Variants in KLHL24 observed in about 807,000 individuals in gnomAD.
The protein encoded by KLHL24 is kelch like family member 24.
In KLHL24, 29 loss-of-function variants were observed where a neutral mutation model predicts 53.4. The ratio of observed to expected loss-of-function variants is 0.54; its 90% CI spans 0.40 to 0.74. The LOEUF is 0.74. Ranked by LOEUF, KLHL24 falls within the 30% of genes least tolerant of loss-of-function variation. The probability of loss-of-function intolerance (pLI) is 0.00; values close to 1 mark genes in which losing one functional copy is unlikely to be tolerated. For synonymous variants in KLHL24, 222 were observed against 253.7 expected, an observed-to-expected ratio of 0.88 and a Z score of 1.19; for missense variants, 504 against 744.0, an observed-to-expected ratio of 0.68 and a Z score of 3.75.
intron 5 of KLHL24, among the ~76,000 whole-genome samples, chr3:183,669,476 C>G (rs939226954): frequency 6.6e-6 from 1 of 152,214 alleles, no homozygotes; most frequent in Non-Finnish European, 1.5e-5. Flanking sequence ...CATCGTGCCA[C>G]AGGTTCCATA....
At chr3:183,655,464 GA>G (rs1395336747) in intron 3 of KLHL24, among the ~76,000 whole-genome samples, 1 of 151,612 alleles carries the variant, frequency 6.6e-6, no homozygotes, top group Non-Finnish European at 1.5e-5. Context: ...TGTTCCTACA[GA>G]AAAAAAAGAA....
At position 183,635,694 on chromosome 3, in the gene KLHL24, G is replaced by C. The variant is rs553318815; in HGVS notation, c.-224G>C. The C allele has an allele frequency of 2.2e-4, 34 of 152,958 alleles. No individual in the cohort carries two copies. Among genetic ancestry groups the C allele is most frequent in the African/African-American group, 7.9e-4 (33 of 41,594 alleles). 9.5% of individuals were successfully genotyped at this position (152,958 alleles called of 1,614,324 possible). A position where few individuals can be genotyped will look rare whatever the true frequency, so the allele number is the denominator to read the frequency against. On this transcript the variant is annotated 5_prime_UTR_variant, in exon 1 of 8. Coordinates refer to ENST00000242810, the MANE Select transcript of KLHL24 (RefSeq NM_017644.3). ...TGGAGAGTGCGCTGCGCCGCCCGCC[G>C]CTGAGGGACCGCGGGGTTAGCCACT...
rs577853070 is a variant in KLHL24 at position 183,640,082 on chromosome 3, T to G, written c.-124-3398T>G. Among the ~76,000 whole-genome samples, 3 of 151,700 alleles carry G rather than the reference T, an allele frequency of 2.0e-5. No homozygotes were observed. In the South Asian group the frequency reaches 6.2e-4, roughly 31 times the overall value. On this transcript the variant is annotated intron_variant, in intron 1 of 7. Transcript: ENST00000242810. ...AGAAAACATAACTATATCATATATC[T>G]ATAGGTGTTTTGATTATCAAATAAA...
chr3:183,663,543 G>C lies in KLHL24; in HGVS notation c.1006G>C (p.Asp336His). The C allele has an allele frequency of 6.2e-7, 1 of 1,609,204 alleles. No individual in the cohort carries two copies. The highest frequency in any genetic ancestry group is 8.5e-7 in the Non-Finnish European group (1 of 1,176,914). Residue 336 changes from aspartate to histidine, a missense_variant, in exon 4 of 8, where the codon GAT becomes CAT. By Grantham distance (81) the Asp-to-His change is moderately conservative (BLOSUM62 -1). Coordinates refer to ENST00000242810, the MANE Select transcript of KLHL24 (RefSeq NM_017644.3). This position sits in a 1 kb window ranked among gnomAD's most constrained non-coding sequence, Gnocchi z 4.9. ...TAATCTTCCATACACTGAGTGCTAC[G>C]ATCCTGTAACAGGAGAATGGAAGTC... ...GFNLPYTECY[D>H]PVTGEWKSLA...
chr3:183,664,441 T>C (rs940981847), intron 4 of KLHL24, among the ~76,000 whole-genome samples: 11 of 152,302 alleles, frequency 7.2e-5, no homozygotes, highest in Non-Finnish European at 1.5e-4. Context: ...AACTATAGTA[T>C]CTATGATGGG....
In KLHL24 at chr3:183,679,125, A is replaced by C. The variant is rs757687629; in HGVS notation, c.1642A>C (p.Ile548Leu). 13 of 1,613,976 alleles carry C rather than the reference A, an allele frequency of 8.1e-6. No individual in the cohort carries two copies. Among genetic ancestry groups the C allele is most frequent in the Non-Finnish European group, 1.1e-5 (13 of 1,179,862 alleles). ...GTCTGTGTGTAATGGTAAAATATAT[A>C]TCCTGGGCGGAAGACGGGAAAATGG... ...GMSVCNGKIY[I>L]LGGRRENGEA... The change falls in exon 8 of 8, where the codon ATC becomes CTC. Residue 548 changes from isoleucine (I) to leucine (L), a missense_variant. Ile to Leu is a conservative substitution (Grantham distance 5). Coordinates refer to ENST00000242810, the MANE Select transcript of KLHL24 (RefSeq NM_017644.3).
chr3:183,643,803 T>A (rs1052395106), intron 2 of KLHL24, among the ~76,000 whole-genome samples: 1 of 152,172 alleles, frequency 6.6e-6, no homozygotes, highest in African/African-American at 2.4e-5. Context: ...AGTCATTATG[T>A]TTGTTTGGAA....
At chr3:183,649,646 T>G (rs1717849229) in intron 2 of KLHL24, among the ~76,000 whole-genome samples, 1 of 152,062 alleles carries the variant, frequency 6.6e-6, no homozygotes, top group Non-Finnish European at 1.5e-5. Flanking sequence ...CCAGGCATGG[T>G]GGCTCATGCC....
intron 1 of KLHL24, among the ~76,000 whole-genome samples, chr3:183,642,602 CAAAAA>C (rs377410456): frequency 0.016 from 1,472 of 92,898 alleles, 28 homozygotes; most frequent in African/African-American, 0.047. Context: ...CCCCTTCCAC[CAAAAA>C]AAAAAAAAAA....
chr3:183,653,799 A>ATGT (rs1039845335), intron 3 of KLHL24, among the ~76,000 whole-genome samples: 1 of 128,744 alleles, frequency 7.8e-6, no homozygotes, highest in Non-Finnish European at 1.6e-5. Context: ...TTTGCAGATA[A>ATGT]TGTTATAGCT....
At chr3:183,664,202 A>C (rs1389975668) in intron 4 of KLHL24, 1 of 152,230 alleles carries the variant, frequency 6.6e-6, no homozygotes, top group African/African-American at 2.4e-5. Context: ...TCATATTTTA[A>C]ATGCTCTCAA....
chr3:183,671,175 C>T lies in KLHL24; in HGVS notation c.1366C>T (p.Leu456=). 6.2e-7 allele frequency: 1 copy of T among 1,614,034 alleles called. No individual in the cohort carries two copies. Among genetic ancestry groups the T allele is most frequent in the Admixed American group, 1.7e-5 (1 of 60,006 alleles). The change falls in exon 6 of 8, where the codon CTG becomes TTG. Residue 456 remains leucine (L), a synonymous_variant. Coordinates refer to ENST00000242810, the MANE Select transcript of KLHL24 (RefSeq NM_017644.3). ...TGCAGTGACTAGCTGTGTAGGCAAACTGTTTGTGATTGGTGGAGGACCTGA... is the reference window on the plus strand; with the variant it reads ...TGCAGTGACTAGCTGTGTAGGCAAATTGTTTGTGATTGGTGGAGGACCTGA... ...SPAVTSCVGK[L]FVIGGGPDDN...
rs765278644 is a variant in KLHL24, at chr3:183,664,996, A to G, written c.1181A>G (p.Asn394Ser). The change falls in exon 5 of 8, where the codon AAT becomes AGT. Residue 394 changes from asparagine (N) to serine (S), a missense_variant. By Grantham distance (46) the Asn-to-Ser change is conservative (BLOSUM62 1). Coordinates refer to ENST00000242810, the MANE Select transcript of KLHL24 (RefSeq NM_017644.3). ...ATTTGGATCAGAGTTGCCTCTCTCA[A>G]TAAAGGCAGATGGCGTCACAAAATG... ...LNIWIRVASL[N>S]KGRWRHKMAV... 2.2e-5 allele frequency: 36 copies of G among 1,611,942 alleles called. No homozygotes were observed. Among genetic ancestry groups the G allele is most frequent in the African/African-American group, 8.0e-5 (6 of 74,904 alleles).
chr3:183,661,237 T>G (rs1032557432), intron 3 of KLHL24, among the ~76,000 whole-genome samples: 11 of 151,650 alleles, frequency 7.3e-5, no homozygotes, highest in Admixed American at 7.2e-4. Context: ...CTTGTCTCTA[T>G]TTGAAAGAAA....
intron 3 of KLHL24, among the ~76,000 whole-genome samples, chr3:183,661,733 C>T (rs760505533): frequency 3.9e-5 from 6 of 151,954 alleles, no homozygotes; most frequent in Non-Finnish European, 7.4e-5. Context: ...AAAAGGCAAG[C>T]GAGTTTAAGC....
Position 183,682,661 on chromosome 3 carries a change from T to C in KLHL24, c.*3375T>C, listed in dbSNP as rs1486889516. On this transcript the variant is annotated 3_prime_UTR_variant, in exon 8 of 8. Coordinates refer to ENST00000242810, the MANE Select transcript of KLHL24 (RefSeq NM_017644.3). Reference sequence around the variant, plus strand: ...AAGATGAAAATGTTTTGTGGACTGATACATTTTATCTTACTGAATATGAAT... The same window carrying C: ...AAGATGAAAATGTTTTGTGGACTGACACATTTTATCTTACTGAATATGAAT... The C allele has an allele frequency of 1.3e-5, 2 of 152,662 alleles. No homozygotes were observed. The highest frequency in any genetic ancestry group is 2.9e-5 in the Non-Finnish European group (2 of 68,042). The allele number at this position is 152,662 out of a possible 1,614,324, so 9.5% of individuals were successfully genotyped here.
At chr3:183,644,600 G>A (rs1204139019) in intron 2 of KLHL24, among the ~76,000 whole-genome samples, 6 of 152,074 alleles carry the variant, frequency 3.9e-5, no homozygotes, top group Admixed American at 1.3e-4. Context: ...ATTTTTTATT[G>A]GGTAAAAGTA....
chr3:183,669,518 A>T (rs950571029), intron 5 of KLHL24, among the ~76,000 whole-genome samples: 3 of 152,270 alleles, frequency 2.0e-5, no homozygotes. Context: ...TTTGTAAGTT[A>T]CTTAACCTGT....
chr3:183,679,608 T>C lies in KLHL24; in HGVS notation c.*322T>C, dbSNP rs1193300003. On this transcript the variant is annotated 3_prime_UTR_variant, in exon 8 of 8. Coordinates refer to ENST00000242810, the MANE Select transcript of KLHL24 (RefSeq NM_017644.3). ...ACCTTTTAGGAGCGTGTGAATGGTG[T>C]CTTCACTTATTATGTATGTTTATCT... 4.0e-6 allele frequency: 1 copy of C among 250,434 alleles called. No individual in the cohort carries two copies. The highest frequency in any genetic ancestry group is 7.7e-6 in the Non-Finnish European group (1 of 129,924). 15.5% of individuals were successfully genotyped at this position (250,434 alleles called of 1,614,324 possible). A position where few individuals can be genotyped will look rare whatever the true frequency, so the allele number is the denominator to read the frequency against.
Sources: gnomAD v4.1 joint callset for allele counts (sites outside exome capture counted in the v4.1 genomes callset) on GRCh38, gnomAD v4.1.1 for gene constraint, Gnocchi (gnomAD v3.1) non-coding constraint, MANE v1.5 for transcripts, NCBI Gene and HGNC (gene_info 2026-07-23, HGNC 2026-07-21) for gene names.